The following FRMD4A variants were observed in gnomAD, a reference collection of about 807,000 sequenced individuals.
FRMD4A encodes FERM domain containing 4A.
Under a neutral mutation model 129.1 loss-of-function variants are expected in FRMD4A, and 29 were observed. The observed-to-expected ratio is 0.22, with a 90% CI of 0.17 to 0.31. The LOEUF is 0.31. FRMD4A is among the 10% of genes least tolerant of loss of function. The pLI, the probability that FRMD4A is intolerant of heterozygous loss-of-function variation, is 1.00. For synonymous variants in FRMD4A, 634 were observed against 571.6 expected (o/e 1.11, Z -1.56); for missense variants, 1,272 against 1,375.8 (o/e 0.92, Z 1.19).
At chr10:13,860,585 G>A (rs1259841585) in intron 2 of FRMD4A, among the ~76,000 whole-genome samples, 3 of 152,070 alleles carry the variant, frequency 2.0e-5, no homozygotes, top group Non-Finnish European at 4.4e-5. Flanking sequence ...TGTATTTAGT[G>A]GCTAACCGGC....
intron 2 of FRMD4A, among the ~76,000 whole-genome samples, chr10:13,907,856 T>TA: frequency 3.3e-5 from 1 of 30,494 alleles, no homozygotes. Context: ...AATTTTAAAG[T>TA]CACTTAAAAA....
At chr10:13,878,383 C>G (rs964961354) in intron 2 of FRMD4A, among the ~76,000 whole-genome samples, 7 of 152,216 alleles carry the variant, frequency 4.6e-5, no homozygotes, top group African/African-American at 1.7e-4. Context: ...GACACTGCTG[C>G]AAGCAGCTCA....
At chr10:14,309,922 C>G (rs1011903763) in intron 2 of FRMD4A, among the ~76,000 whole-genome samples, 2 of 151,862 alleles carry the variant, frequency 1.3e-5, no homozygotes, top group African/African-American at 4.8e-5. Context: ...CTGAGTCCCC[C>G]ACCGTCCCCT....
At chr10:13,734,751 G>A (rs1402355751) in intron 12 of FRMD4A, among the ~76,000 whole-genome samples, 2 of 152,116 alleles carry the variant, frequency 1.3e-5, no homozygotes, top group Non-Finnish European at 2.9e-5. Context: ...CACACATCTT[G>A]GAGGACAGGA....
At chr10:13,949,007 G>C (rs1402315451) in intron 2 of FRMD4A, among the ~76,000 whole-genome samples, 1 of 151,936 alleles carries the variant, frequency 6.6e-6, no homozygotes, top group African/African-American at 2.4e-5. Context: ...CAAATATTAT[G>C]GCATTTGCAA....
At chr10:13,649,369 G>A (rs552325182) in intron 24 of FRMD4A, 3 of 126,878 alleles carry the variant, frequency 2.4e-5, no homozygotes, top group Non-Finnish European at 3.8e-5. Context: ...CTGGCCCATG[G>A]TGTTCTCCTG....
intron 2 of FRMD4A, among the ~76,000 whole-genome samples, chr10:14,138,202 C>T (rs1346115778): frequency 1.3e-5 from 2 of 152,152 alleles, no homozygotes; most frequent in African/African-American, 2.4e-5. Flanking sequence ...TTTCTATGTG[C>T]CCGGCCCAGT....
At chr10:13,693,500 G>T in intron 15 of FRMD4A, 1 of 1,164,792 alleles carries the variant, frequency 8.6e-7, no homozygotes, top group Non-Finnish European at 1.1e-6. Flanking sequence ...AGAATGCAGT[G>T]TCTCCTGGCA....
intron 13 of FRMD4A, 125 bp downstream of exon 13, chr10:13,706,912 A>G: frequency 1.6e-6 from 1 of 620,908 alleles, no homozygotes; most frequent in Non-Finnish European, 3.0e-6. Flanking sequence ...TCCATTCCCC[A>G]GGAGCCCCCA....
intron 2 of FRMD4A, among the ~76,000 whole-genome samples, chr10:13,897,938 A>C (rs1426699537): frequency 5.7e-4 from 1 of 1,756 alleles, no homozygotes; most frequent in East Asian, 0.011. Flanking sequence ...CTCCGACTCA[A>C]AAAAAAAAAA....
intron 2 of FRMD4A, among the ~76,000 whole-genome samples, chr10:14,210,790 C>G (rs1347243317): frequency 6.6e-6 from 1 of 152,140 alleles, no homozygotes; most frequent in Non-Finnish European, 1.5e-5. Context: ...TGCAGTGACA[C>G]AGTCTTGGCT....
At chr10:14,119,845 A>C (rs930553439) in intron 2 of FRMD4A, among the ~76,000 whole-genome samples, 1 of 152,178 alleles carries the variant, frequency 6.6e-6, no homozygotes, top group African/African-American at 2.4e-5. Flanking sequence ...TGGAATGTGC[A>C]TATCCCTCTG....
chr10:14,294,725 G>T (rs889136757), intron 2 of FRMD4A, among the ~76,000 whole-genome samples: 1 of 152,160 alleles, frequency 6.6e-6, no homozygotes, highest in South Asian at 2.1e-4. Context: ...GCCTAAATCC[G>T]CTCAGCAAGA....
intron 5 of FRMD4A, among the ~76,000 whole-genome samples, chr10:13,784,150 G>A (rs2092799770): frequency 6.6e-6 from 1 of 152,148 alleles, no homozygotes; most frequent in African/African-American, 2.4e-5. Flanking sequence ...AGAGGCAGAA[G>A]GTGAGGAAGG....
At chr10:14,252,897 A>G (rs904849494) in intron 2 of FRMD4A, among the ~76,000 whole-genome samples, 4 of 152,248 alleles carry the variant, frequency 2.6e-5, no homozygotes, top group African/African-American at 9.6e-5. Flanking sequence ...GTATTCTACT[A>G]ACTATAAGGA....
intron 6 of FRMD4A, among the ~76,000 whole-genome samples, chr10:13,770,690 T>A (rs747432715): frequency 4.6e-5 from 7 of 152,190 alleles, no homozygotes; most frequent in African/African-American, 7.2e-5. Context: ...GTAATCCTCC[T>A]GCCTTGGCCT....
At chr10:13,738,675 C>T (rs1387722690) in intron 11 of FRMD4A, among the ~76,000 whole-genome samples, 1 of 152,092 alleles carries the variant, frequency 6.6e-6, no homozygotes, top group Admixed American at 6.6e-5. Flanking sequence ...GGCTGGAGTG[C>T]ATTGGCACAA....
chr10:14,112,560 CTG>C (rs1471850711), intron 2 of FRMD4A, among the ~76,000 whole-genome samples: 1 of 152,192 alleles, frequency 6.6e-6, no homozygotes, highest in Non-Finnish European at 1.5e-5. Context: ...GAGTCTCACT[CTG>C]TAGCCCAGGC....
rs532976917 is a variant in FRMD4A at position 14,136,826 on chromosome 10, T to C, written c.45+193232A>G. 2.0e-5 allele frequency among the ~76,000 whole-genome samples: 3 copies of C among 152,336 alleles called. No individual in the cohort carries two copies. The South Asian group carries it at 6.2e-4, about 32-fold the overall frequency. On this transcript the variant is annotated intron_variant, in intron 2 of 24. Coordinates refer to ENST00000357447, the MANE Select transcript of FRMD4A (RefSeq NM_018027.5). Reference sequence around the variant, plus strand: ...TTGGGCACATGTCATCAGGACCTCCTGAGGTTGTATCACAGCTGCGTTTTT... The same window carrying C: ...TTGGGCACATGTCATCAGGACCTCCCGAGGTTGTATCACAGCTGCGTTTTT...
Sources: gnomAD v4.1 joint callset for allele counts (sites outside exome capture counted in the v4.1 genomes callset) on GRCh38, gnomAD v4.1.1 for gene constraint, MANE v1.5 for transcripts, NCBI Gene and HGNC (gene_info 2026-07-23, HGNC 2026-07-21) for gene names.